Variants in ZNF316 observed in about 807,000 individuals in gnomAD.
The protein encoded by ZNF316 is zinc finger protein 316.
Under a neutral mutation model 75.6 loss-of-function variants are expected in ZNF316, and 23 were observed. The observed-to-expected ratio is 0.30, with a 90% CI of 0.22 to 0.43. The LOEUF (loss-of-function observed/expected upper bound fraction) is 0.43. Among genes scored for constraint, ZNF316 ranks in the 20% least tolerant of loss-of-function variants. The pLI is 1.00. For synonymous variants in ZNF316, 827 were observed against 666.2 expected (o/e 1.24, Z -3.72); for missense variants, 1,266 against 1,409.4 (o/e 0.90, Z 1.63).
At position 6,656,763 on chromosome 7, in the gene ZNF316, A is replaced by G. The variant is rs1779633935; in HGVS notation, c.*2152A>G. Among the ~76,000 whole-genome samples the G allele has an allele frequency of 6.6e-6, 1 of 152,122 alleles. No homozygotes were observed. Among genetic ancestry groups the G allele is most frequent in the African/African-American group, 2.4e-5 (1 of 41,416 alleles). On this transcript the variant is annotated 3_prime_UTR_variant, in exon 9 of 9. Transcript: ENST00000382252. ...GCCAGGTACCCTTCGTGGTGGTCCA[A>G]ACACATCCCCAGCCCTTTCTTCAGA...
At chr7:6,652,269 CCT>C (rs1454044700) in intron 8 of ZNF316, 32 bp from the exon 9 acceptor site, 18 of 1,232,136 alleles carry the variant, frequency 1.5e-5, no homozygotes, top group Non-Finnish European at 1.8e-5. Context: ...AGTTCACTTA[CCT>C]CTCTCTTCTG....
chr7:6,644,208 C>T (rs1440330747), intron 7 of ZNF316, among the ~76,000 whole-genome samples: 1 of 152,074 alleles, frequency 6.6e-6, no homozygotes, highest in East Asian at 1.9e-4. Flanking sequence ...GCCCCTGAAG[C>T]CTCCAGGGGT....
chr7:6,644,098 C>T (rs973349480), intron 7 of ZNF316, 150 bp downstream of exon 7: 14 of 875,426 alleles, frequency 1.6e-5, no homozygotes, highest in Non-Finnish European at 2.1e-5. Flanking sequence ...CCTAGGACCC[C>T]ATGGCCCCTG....
rs1779274471 is a variant in ZNF316 at position 6,639,359 on chromosome 7, C to T, written c.-167+218C>T. On this transcript the variant is annotated intron_variant, in intron 3 of 8. Transcript: ENST00000382252. The surrounding 1 kb of genome is among the most constrained non-coding windows in gnomAD (Gnocchi z 4.2). ...ATGAGCAAAGGGAGCTTCTGCCGCC[C>T]AGGAGCTGGCTGTACTCAGGGAGAG... Among the ~76,000 whole-genome samples the T allele has an allele frequency of 6.6e-6, 1 of 152,158 alleles. No individual in the cohort carries two copies. The highest frequency in any genetic ancestry group is 1.9e-4 in the East Asian group (1 of 5,198).
Position 6,656,966 on chromosome 7 carries a change from A to G in ZNF316, c.*2355A>G, listed in dbSNP as rs1583450177. Among the ~76,000 whole-genome samples, 1 of 152,148 alleles carries G rather than the reference A, an allele frequency of 6.6e-6. No individual in the cohort carries two copies. The highest frequency in any genetic ancestry group is 1.5e-5 in the Non-Finnish European group (1 of 68,024). ...TGTCCTTTCTTTGTGGGTCTGAAAA[A>G]TAAGAACTGCTGTAATCAAATGTGA... On this transcript the variant is annotated 3_prime_UTR_variant, in exon 9 of 9. Transcript: ENST00000382252.
chr7:6,638,586 C>T (rs1210165908), intron 2 of ZNF316, among the ~76,000 whole-genome samples: 4 of 152,196 alleles, frequency 2.6e-5, no homozygotes, highest in Non-Finnish European at 5.9e-5. Flanking sequence ...TTGTCACCTC[C>T]CATTCTAAAT....
In ZNF316 at chr7:6,658,212, G is replaced by T; in HGVS notation, c.*3601G>T. On this transcript the variant is annotated 3_prime_UTR_variant, in exon 9 of 9. Transcript: ENST00000382252. ...ATCTCCCTTTTTTCTTTCTCTAATT[G>T]GCTACATATGGAATAAAGTATTTTG... Among the ~76,000 whole-genome samples the T allele has an allele frequency of 6.6e-6, 1 of 151,442 alleles. No individual in the cohort carries two copies.
intron 8 of ZNF316, among the ~76,000 whole-genome samples, chr7:6,649,573 G>T (rs976536756): frequency 1.3e-5 from 2 of 152,200 alleles, no homozygotes; most frequent in Admixed American, 6.5e-5. Flanking sequence ...ACTCAAGGAT[G>T]TTCCCGTGGA....
At chr7:6,650,768 C>T (rs1294829477) in intron 8 of ZNF316, among the ~76,000 whole-genome samples, 1 of 152,186 alleles carries the variant, frequency 6.6e-6, no homozygotes, top group African/African-American at 2.4e-5. Flanking sequence ...GATGCTGAGA[C>T]TGTCGGGCAG....
Position 6,654,386 on chromosome 7 carries a change from G to A in ZNF316, c.2790G>A (p.Leu930=), listed in dbSNP as rs1779576989. ...CGRRFSQSSH[L]LTHMKTHRGA... is the part of the protein sequence containing the mutation. ...GCCGCTTCTCGCAGAGCTCGCACTT[G>A]CTCACCCACATGAAGACGCACCGCG... The change falls in exon 9 of 9, where the codon TTG becomes TTA. Residue 930 remains leucine (L), a synonymous_variant. Transcript: ENST00000382252. 3 of 1,217,614 alleles carry A rather than the reference G, an allele frequency of 2.5e-6. No individual in the cohort carries two copies. Among genetic ancestry groups the A allele is most frequent in the East Asian group, 3.3e-5 (1 of 30,230 alleles). The allele number at this position is 1,217,614 out of a possible 1,614,324, so 75.4% of individuals were successfully genotyped here.
Position 6,654,427 on chromosome 7 carries a change from C to T in ZNF316, c.2831C>T (p.Pro944Leu), listed in dbSNP as rs899386845. Residue 944 changes from proline to leucine, a missense_variant, in exon 9 of 9, where the codon CCG (proline) becomes CTG (leucine). Around this residue, in one of 3 missense-constraint regions of ZNF316, gnomAD observed 111 missense variants for 99.2 expected, o/e 1.12. Coordinates refer to ENST00000382252, the MANE Select transcript of ZNF316 (RefSeq NM_001278559.2). Reference protein sequence around the residue: ...MKTHRGATAAPGSGSAPAPAP... With the variant: ...MKTHRGATAALGSGSAPAPAP... ...ACGCACCGCGGAGCCACCGCAGCGC[C>T]GGGCTCGGGTTCGGCCCCAGCCCCC... is the stretch of plus-strand genomic sequence containing the variant. The T allele has an allele frequency of 2.4e-5, 29 of 1,208,652 alleles. No homozygotes were observed. The African/African-American group carries it at 4.4e-4, about 18-fold the overall frequency. The allele number at this position is 1,208,652 out of a possible 1,614,324, so 74.9% of individuals were successfully genotyped here.
chr7:6,644,712 C>A, intron 8 of ZNF316, 119 bp downstream of exon 8: 1 of 470,754 alleles, frequency 2.1e-6, no homozygotes, highest in Non-Finnish European at 3.4e-6. Flanking sequence ...TGCGCCTCTG[C>A]CTTTGCCGCC....
chr7:6,654,086 G>T lies in ZNF316; in HGVS notation c.2490G>T (p.Pro830=). 1 of 1,215,206 alleles carries T rather than the reference G, an allele frequency of 8.2e-7. No individual in the cohort carries two copies. The highest frequency in any genetic ancestry group is 1.0e-6 in the Non-Finnish European group (1 of 976,970). The allele number at this position is 1,215,206 out of a possible 1,614,324, so 75.3% of individuals were successfully genotyped here. Residue 830 remains proline, a synonymous_variant, in exon 9 of 9, where the codon CCG becomes CCT. Coordinates refer to ENST00000382252, the MANE Select transcript of ZNF316 (RefSeq NM_001278559.2). The part of the protein sequence containing the change: ...RHQWAHAEEK[P]HRCPDCGKGF... ...AGTGGGCGCACGCCGAGGAGAAGCC[G>T]CACCGCTGCCCCGACTGCGGCAAGG...
rs1583447503 is a variant in ZNF316, at chr7:6,653,449, T to C, written c.1853T>C (p.Leu618Pro). The C allele has an allele frequency of 8.1e-7, 1 of 1,227,352 alleles. No homozygotes were observed. The highest frequency in any genetic ancestry group is 1.0e-6 in the Non-Finnish European group (1 of 985,476). The allele number at this position is 1,227,352 out of a possible 1,614,324, so 76.0% of individuals were successfully genotyped here. A position where few individuals can be genotyped will look rare whatever the true frequency, so the allele number is the denominator to read the frequency against. ...LHPDSFPILG[L>P]PDFRERLPVD... ...CCGGACAGCTTCCCGATCCTGGGCC[T>C]ACCCGACTTCCGAGAGCGGCTGCCG... The change falls in exon 9 of 9, where the codon CTA becomes CCA. Residue 618 changes from leucine (L) to proline (P), a missense_variant. Coordinates refer to ENST00000382252, the MANE Select transcript of ZNF316 (RefSeq NM_001278559.2).
chr7:6,646,065 A>G (rs1380637575), intron 8 of ZNF316, among the ~76,000 whole-genome samples: 2 of 151,602 alleles, frequency 1.3e-5, no homozygotes, highest in Non-Finnish European at 2.9e-5. Context: ...ATGGGGGGAA[A>G]CGGCCCCCAT....
rs1779530255 is a variant in ZNF316 at position 6,652,633 on chromosome 7, C to T, written c.1037C>T (p.Thr346Met). The change falls in exon 9 of 9, where the codon ACG becomes ATG. Residue 346 changes from threonine to methionine, a missense_variant. Coordinates refer to ENST00000382252, the MANE Select transcript of ZNF316 (RefSeq NM_001278559.2). ...CCGCCGGCCGGGAGGCCGGAGACCA[C>T]GTGCGACGTGTGCGGCAAGGTCTTC... ...VAPPAGRPETTCDVCGKVFPH... is the reference protein window; with the variant it reads ...VAPPAGRPETMCDVCGKVFPH... 4.1e-6 allele frequency: 5 copies of T among 1,230,642 alleles called. No individual in the cohort carries two copies. The highest frequency in any genetic ancestry group is 5.1e-6 in the Non-Finnish European group (5 of 987,116). The allele number at this position is 1,230,642 out of a possible 1,614,324, so 76.2% of individuals were successfully genotyped here. A position where few individuals can be genotyped will look rare whatever the true frequency, so the allele number is the denominator to read the frequency against.
rs2115305552 is a variant in ZNF316 at position 6,639,654 on chromosome 7, G to A, written c.-167+513G>A. On this transcript the variant is annotated intron_variant, in intron 3 of 8. Coordinates refer to ENST00000382252, the MANE Select transcript of ZNF316 (RefSeq NM_001278559.2). The surrounding 1 kb of genome is among the most constrained non-coding windows in gnomAD (Gnocchi z 4.2). Reference sequence around the variant, plus strand: ...CTGGCTCTGGGAGTTTAAAGTTGCTGCTTCAGGTGGTGGCCAGGCAGGAGA... The same window carrying A: ...CTGGCTCTGGGAGTTTAAAGTTGCTACTTCAGGTGGTGGCCAGGCAGGAGA... 6.6e-6 allele frequency among the ~76,000 whole-genome samples: 1 copy of A among 152,338 alleles called. No individual in the cohort carries two copies. The highest frequency in any genetic ancestry group is 1.5e-5 in the Non-Finnish European group (1 of 68,032).
rs1423315154 is a variant in ZNF316, at chr7:6,655,410, T to C, written c.*799T>C. 6.6e-6 allele frequency: 1 copy of C among 152,046 alleles called. No homozygotes were observed. Among genetic ancestry groups the C allele is most frequent in the African/African-American group, 2.4e-5 (1 of 41,342 alleles). The allele number at this position is 152,046 out of a possible 1,614,324, so 9.4% of individuals were successfully genotyped here. A position where few individuals can be genotyped will look rare whatever the true frequency, so the allele number is the denominator to read the frequency against. On this transcript the variant is annotated 3_prime_UTR_variant, in exon 9 of 9. Coordinates refer to ENST00000382252, the MANE Select transcript of ZNF316 (RefSeq NM_001278559.2). ...CCCGGCACCCTCCGCACCGGTTCGG[T>C]TTTGGTCTCTGCTTGTCCTCTCAGT...
rs1779641706 is a variant in ZNF316 at position 6,657,132 on chromosome 7, T to C, written c.*2521T>C. On this transcript the variant is annotated 3_prime_UTR_variant, in exon 9 of 9. Transcript: ENST00000382252. ...CCTCAGACTGCCGAGTAGCTGGGAT[T>C]ACAGGCATGTGCCACCATGCCCAGC... Among the ~76,000 whole-genome samples the C allele has an allele frequency of 6.6e-6, 1 of 151,936 alleles. No individual in the cohort carries two copies. The highest frequency in any genetic ancestry group is 1.5e-5 in the Non-Finnish European group (1 of 68,002).
Sources: gnomAD v4.1 joint callset for allele counts (sites outside exome capture counted in the v4.1 genomes callset) on GRCh38, gnomAD v4.1.1 for gene constraint, gnomAD v4.1.1 regional missense constraint, Gnocchi (gnomAD v3.1) non-coding constraint, MANE v1.5 for transcripts, NCBI Gene and HGNC (gene_info 2026-07-23, HGNC 2026-07-21) for gene names.